Variants in TDRD5 observed in about 807,000 individuals in gnomAD.
TDRD5 encodes the protein tudor domain-containing protein 5.
TDRD5 carries 41 observed loss-of-function variants against 120.6 expected under a neutral mutation model. The observed-to-expected ratio is 0.34, with a 90% CI of 0.26 to 0.44. The LOEUF (loss-of-function observed/expected upper bound fraction) is 0.44, where lower values mean the gene tolerates loss of function less well. TDRD5 is among the 20% of genes least tolerant of loss of function. TDRD5 has a pLI of 1.00. For synonymous variants in TDRD5, 430 were observed against 433.7 expected (o/e 0.99, Z 0.11); for missense variants, 1,006 against 1,221.2 (o/e 0.82, Z 2.63).
intron 6 of TDRD5, among the ~76,000 whole-genome samples, chr1:179,629,695 G>GT (rs558898554): frequency 5.4e-4 from 82 of 151,942 alleles, no homozygotes; most frequent in African/African-American, 1.7e-3. Flanking sequence ...CTTTGGAGTA[G>GT]TTTTTTTTCA....
intron 4 of TDRD5, 54 bp from the exon 5 acceptor site, chr1:179,618,545 G>T: frequency 7.3e-7 from 1 of 1,377,826 alleles, no homozygotes; most frequent in South Asian, 1.4e-5. Flanking sequence ...ATCTACCTTT[G>T]ACTTTCTTTG....
intron 6 of TDRD5, among the ~76,000 whole-genome samples, chr1:179,628,103 G>C (rs61826407): frequency 0.24 from 36,886 of 151,926 alleles, 4,948 homozygotes; most frequent in East Asian, 0.35. Context: ...AAGCCTGTGG[G>C]GATATTCATT....
chr1:179,669,531 G>T, intron 17 of TDRD5, 127 bp downstream of exon 17: 1 of 1,027,634 alleles, frequency 9.7e-7, no homozygotes, highest in Non-Finnish European at 1.4e-6. Context: ...TAGCATTTGT[G>T]TTAAGTCCTT....
At position 179,640,450 on chromosome 1, in the gene TDRD5, GT is replaced by G; in HGVS notation, c.1800+8del. ...GCTTGGGTGAGACCAGTAGAGGTATGTTTGCTTGTCTCCCATTTAATCAGCA... is the reference window on the plus strand; with the variant it reads ...GCTTGGGTGAGACCAGTAGAGGTATGTTGCTTGTCTCCCATTTAATCAGCA... On this transcript the variant is annotated splice_donor_region_variant and intron_variant, in intron 11 of 17. Transcript: ENST00000444136. 5.6e-6 allele frequency: 9 copies of G among 1,614,018 alleles called. No homozygotes were observed. The highest frequency in any genetic ancestry group is 7.6e-6 in the Non-Finnish European group (9 of 1,179,928).
chr1:179,606,704 CTA>C (rs1336859766), intron 4 of TDRD5, among the ~76,000 whole-genome samples: 1 of 151,070 alleles, frequency 6.6e-6, no homozygotes, highest in Non-Finnish European at 1.5e-5. Context: ...TGTGAAAAGA[CTA>C]TGTTTGATTC....
intron 17 of TDRD5, 22 bp from the exon 18 acceptor site, chr1:179,690,670 ATGTT>A (rs1278249217): frequency 1.2e-6 from 2 of 1,604,752 alleles, no homozygotes; most frequent in Non-Finnish European, 1.7e-6. Context: ...CCTTGAAAAG[ATGTT>A]TGTGTACTCT....
At chr1:179,615,393 CTACT>C (rs1676513968) in intron 4 of TDRD5, among the ~76,000 whole-genome samples, 1 of 152,088 alleles carries the variant, frequency 6.6e-6, no homozygotes, top group South Asian at 2.1e-4. Context: ...CTTTAATTTG[CTACT>C]TAGTCTTCTA....
chr1:179,632,032 G>C (rs758735124), intron 7 of TDRD5, among the ~76,000 whole-genome samples: 41 of 151,486 alleles, frequency 2.7e-4, no homozygotes, highest in Non-Finnish European at 5.3e-4. Context: ...TCAGCCTCCT[G>C]AGTAGCTGGG....
chr1:179,685,345 G>A (rs1680645012), intron 17 of TDRD5, among the ~76,000 whole-genome samples: 1 of 152,184 alleles, frequency 6.6e-6, no homozygotes, highest in Non-Finnish European at 1.5e-5. Flanking sequence ...TCTAAGATCA[G>A]ATGGTTATAG....
chr1:179,668,308 T>G (rs1679657779), intron 16 of TDRD5, among the ~76,000 whole-genome samples: 1 of 152,154 alleles, frequency 6.6e-6, no homozygotes, highest in African/African-American at 2.4e-5. Context: ...ACACACAGTT[T>G]CCCTGACTGA....
chr1:179,630,310 C>A (rs1430168631), intron 6 of TDRD5, among the ~76,000 whole-genome samples: 1 of 151,996 alleles, frequency 6.6e-6, no homozygotes, highest in East Asian at 1.9e-4. Flanking sequence ...ATTCCAACTT[C>A]TAAGGTGAAA....
intron 2 of TDRD5, 118 bp from the exon 3 acceptor site, chr1:179,593,342 C>G (rs2101900501): frequency 8.9e-7 from 1 of 1,128,728 alleles, no homozygotes; most frequent in South Asian, 1.8e-5. Context: ...TACTGTTTAT[C>G]GTGCTGCCTG....
intron 14 of TDRD5, among the ~76,000 whole-genome samples, chr1:179,654,793 A>C (rs1209612168): frequency 1.3e-5 from 2 of 152,100 alleles, no homozygotes; most frequent in Non-Finnish European, 2.9e-5. Flanking sequence ...AATAAGTAAA[A>C]AAATGTGTTC....
At chr1:179,595,540 T>A in intron 3 of TDRD5, 88 bp from the exon 4 acceptor site, 1 of 1,192,586 alleles carries the variant, frequency 8.4e-7, no homozygotes, top group Non-Finnish European at 1.1e-6. Flanking sequence ...GGCAGTTAGC[T>A]CACAGTAGCC....
intron 12 of TDRD5, 45 bp downstream of exon 12, chr1:179,651,112 C>T: frequency 1.3e-6 from 2 of 1,592,528 alleles, no homozygotes; most frequent in Non-Finnish European, 1.7e-6. Flanking sequence ...TGTTTAATTT[C>T]ACCACGTCAA....
chr1:179,609,581 C>T (rs888348788), intron 4 of TDRD5, among the ~76,000 whole-genome samples: 1 of 152,114 alleles, frequency 6.6e-6, no homozygotes, highest in African/African-American at 2.4e-5. Flanking sequence ...GTCATTTAAG[C>T]CACCCAGTCT....
At chr1:179,599,782 C>T (rs1313996868) in intron 4 of TDRD5, among the ~76,000 whole-genome samples, 1 of 152,136 alleles carries the variant, frequency 6.6e-6, no homozygotes, top group South Asian at 2.1e-4. Context: ...GTCAACAAGA[C>T]TGCATGTGCA....
chr1:179,618,869 C>T (rs1273195338), intron 5 of TDRD5, among the ~76,000 whole-genome samples, 187 bp downstream of exon 5: 1 of 152,100 alleles, frequency 6.6e-6, no homozygotes, highest in South Asian at 2.1e-4. Context: ...TAACATAAAA[C>T]TATTTAGTAA....
chr1:179,612,215 T>G (rs987670724), intron 4 of TDRD5, among the ~76,000 whole-genome samples: 2 of 152,186 alleles, frequency 1.3e-5, no homozygotes, highest in African/African-American at 4.8e-5. Flanking sequence ...GAAAAAAAAG[T>G]TTTTCCTTTG....
Sources: allele counts gnomAD v4.1 joint callset (sites outside exome capture counted in the v4.1 genomes callset), GRCh38; gene constraint gnomAD v4.1.1; transcripts MANE v1.5; gene names NCBI Gene and HGNC (gene_info 2026-07-23, HGNC 2026-07-21).